Variants in GRID2 observed in about 807,000 individuals in gnomAD.
The protein encoded by GRID2 is glutamate ionotropic receptor delta type subunit 2.
In GRID2, 33 loss-of-function variants were observed where a neutral mutation model predicts 114.8. The observed-to-expected ratio is 0.29, with a 90% CI of 0.22 to 0.38. The LOEUF is 0.38. GRID2 is among the 10% of genes least tolerant of loss of function. GRID2 has a pLI of 1.00. For missense variants in GRID2, 1,184 were observed against 1,257.7 expected (o/e 0.94, Z 0.89); for synonymous variants, 505 against 449.9 (o/e 1.12, Z -1.55).
rs138846659 is a variant in GRID2, at chr4:93,147,388, T to C, written c.735+36435T>C. On this transcript the variant is annotated intron_variant, in intron 4 of 15. Transcript: ENST00000282020. ...TTGACCTACATGATACTTGACACTT[T>C]GTATGAGAAAAATGTGTACTCAGAT... Among the ~76,000 whole-genome samples, 801 of 152,296 alleles carry C rather than the reference T, an allele frequency of 5.3e-3. 3 individuals carry two copies. The highest frequency in any genetic ancestry group is 7.4e-3 in the Non-Finnish European group (503 of 68,028).
intron 2 of GRID2, among the ~76,000 whole-genome samples, chr4:92,667,672 T>C (rs1010918141): frequency 6.6e-6 from 1 of 151,534 alleles, no homozygotes; most frequent in African/African-American, 2.4e-5. Context: ...CCCAAACATA[T>C]GAGAATTCAT....
intron 2 of GRID2, among the ~76,000 whole-genome samples, chr4:93,068,563 A>T (rs963630903): frequency 1.3e-5 from 2 of 152,092 alleles, no homozygotes; most frequent in African/African-American, 4.8e-5. Flanking sequence ...ATTATACAAG[A>T]TTACTGTGTT....
intron 13 of GRID2, among the ~76,000 whole-genome samples, chr4:93,593,251 TG>T (rs2149619759): frequency 6.8e-6 from 1 of 146,622 alleles, no homozygotes; most frequent in Non-Finnish European, 1.5e-5. Flanking sequence ...GCAGGCCTGG[TG>T]GTGACAAAAT....
intron 4 of GRID2, among the ~76,000 whole-genome samples, chr4:93,134,260 T>A (rs1735048051): frequency 6.6e-6 from 1 of 152,190 alleles, no homozygotes; most frequent in African/African-American, 2.4e-5. Context: ...GTCAGATGAA[T>A]ATTGTTTAGA....
intron 14 of GRID2, among the ~76,000 whole-genome samples, chr4:93,671,688 G>T (rs1037582487): frequency 4.6e-5 from 7 of 152,108 alleles, no homozygotes; most frequent in Non-Finnish European, 8.8e-5. Flanking sequence ...AATGAACCAG[G>T]TTGGGCGCAG....
rs1056047899 is a variant in GRID2, at chr4:93,764,681, G to A, written c.2361-4529G>A. ...TATACTCCAAAAAGAGATTTTAGCC[G>A]TTAGTTCATCACAGTCTAATAGCTA... On this transcript the variant is annotated intron_variant, in intron 14 of 15. Transcript: ENST00000282020. Among the ~76,000 whole-genome samples, 3 of 152,118 alleles carry A rather than the reference G, an allele frequency of 2.0e-5. No individual in the cohort carries two copies. In the East Asian group the frequency reaches 5.8e-4, roughly 29 times the overall value.
chr4:92,979,016 G>C (rs1754033086), intron 2 of GRID2, among the ~76,000 whole-genome samples: 1 of 152,004 alleles, frequency 6.6e-6, no homozygotes, highest in South Asian at 2.1e-4. Flanking sequence ...GAGAGACCTT[G>C]TCTCTAAAAA....
intron 11 of GRID2, among the ~76,000 whole-genome samples, chr4:93,466,890 T>C (rs1420636664): frequency 6.6e-6 from 1 of 152,212 alleles, no homozygotes; most frequent in African/African-American, 2.4e-5. Context: ...CTATGTTAAA[T>C]ATAGATTGAA....
At chr4:93,024,707 A>G (rs1217808322) in intron 2 of GRID2, among the ~76,000 whole-genome samples, 1 of 151,838 alleles carries the variant, frequency 6.6e-6, no homozygotes, top group Non-Finnish European at 1.5e-5. Flanking sequence ...ATATTGTTGT[A>G]TGTAAACTAA....
At chr4:93,191,953 C>A (rs972022492) in intron 4 of GRID2, among the ~76,000 whole-genome samples, 1 of 152,088 alleles carries the variant, frequency 6.6e-6, no homozygotes, top group African/African-American at 2.4e-5. Flanking sequence ...TTCTATATGA[C>A]CATTCATTGT....
chr4:92,842,968 G>A (rs942150567), intron 2 of GRID2, among the ~76,000 whole-genome samples: 1 of 152,142 alleles, frequency 6.6e-6, no homozygotes, highest in African/African-American at 2.4e-5. Context: ...GCCAGGCATG[G>A]TGTTTTACAC....
intron 8 of GRID2, among the ~76,000 whole-genome samples, chr4:93,307,676 C>T (rs989177034): frequency 3.3e-5 from 5 of 152,006 alleles, no homozygotes; most frequent in South Asian, 4.1e-4. Context: ...ATAGTTTACC[C>T]GAAATATAAC....
chr4:92,862,741 C>T (rs543275757), intron 2 of GRID2, among the ~76,000 whole-genome samples: 2 of 152,148 alleles, frequency 1.3e-5, no homozygotes, highest in Non-Finnish European at 2.9e-5. Flanking sequence ...GTTGTGCATA[C>T]ATTTTTTATA....
intron 2 of GRID2, among the ~76,000 whole-genome samples, chr4:92,600,509 A>G (rs1487361590): frequency 2.0e-5 from 3 of 152,314 alleles, no homozygotes; most frequent in Non-Finnish European, 2.9e-5. Context: ...TTTTATCTCT[A>G]TATTAACTCC....
At chr4:92,325,679 C>A (rs1726555306) in intron 1 of GRID2, among the ~76,000 whole-genome samples, 2 of 151,646 alleles carry the variant, frequency 1.3e-5, no homozygotes, top group African/African-American at 4.8e-5. Flanking sequence ...ATTCTTTCTC[C>A]TTTTGGCTTC....
At position 93,209,416 on chromosome 4, in the gene GRID2, G is replaced by A. The variant is rs78694575; in HGVS notation, c.789+1959G>A. ...CTTCCAGCTCCATTCATATTTCTGC[G>A]AAGGACATATCATTCCTTTTTTGTG... On this transcript the variant is annotated intron_variant, in intron 5 of 15. Transcript: ENST00000282020. Among the ~76,000 whole-genome samples, 1,333 of 151,970 alleles carry A rather than the reference G, an allele frequency of 8.8e-3. 19 individuals carry two copies. The highest frequency in any genetic ancestry group is 0.031 in the African/African-American group (1,270 of 41,494).
At chr4:92,384,632 A>ATATATATTATATGT (rs1553929674) in intron 1 of GRID2, among the ~76,000 whole-genome samples, 5 of 91,178 alleles carry the variant, frequency 5.5e-5, no homozygotes, top group South Asian at 5.7e-4. Context: ...ATTATATATA[A>ATATATATTATATGT]TATATATTAT....
At position 92,947,986 on chromosome 4, in the gene GRID2, A is replaced by G. The variant is rs533184924; in HGVS notation, c.245-137009A>G. On this transcript the variant is annotated intron_variant, in intron 2 of 15. Transcript: ENST00000282020. ...TCTGAAAAATTATTTTTATTGTGTC[A>G]TATGAAGGTGGCACAAATTTAGCTT... Among the ~76,000 whole-genome samples, 8 of 152,000 alleles carry G rather than the reference A, an allele frequency of 5.3e-5. No individual in the cohort carries two copies. The South Asian group carries it at 1.7e-3, about 31-fold the overall frequency.
chr4:92,917,625 CTCTT>C (rs1231990492), intron 2 of GRID2, among the ~76,000 whole-genome samples: 3 of 151,416 alleles, frequency 2.0e-5, no homozygotes, highest in Non-Finnish European at 4.4e-5. Flanking sequence ...GAATCCTTTC[CTCTT>C]TCTTGTTTTT....
Sources: gnomAD v4.1 joint callset for allele counts (sites outside exome capture counted in the v4.1 genomes callset) on GRCh38, gnomAD v4.1.1 for gene constraint, MANE v1.5 for transcripts, NCBI Gene and HGNC (gene_info 2026-07-23, HGNC 2026-07-21) for gene names.